ZNF639: variants seen among roughly 807,000 people sequenced by gnomAD.
ZNF639 encodes zinc finger protein 639.
A neutral mutation model predicts 39.8 loss-of-function variants in ZNF639; 20 were observed. The ratio of observed to expected loss-of-function variants is 0.50; its 90% CI spans 0.35 to 0.73. The LOEUF is 0.73. ZNF639 is among the 30% of genes least tolerant of loss of function. The pLI is 0.00. For synonymous variants in ZNF639, 176 were observed against 189.8 expected, an observed-to-expected ratio of 0.93 and a Z score of 0.60; for missense variants, 477 against 566.2, an observed-to-expected ratio of 0.84 and a Z score of 1.60.
intron 1 of ZNF639, among the ~76,000 whole-genome samples, chr3:179,326,776 C>A (rs1727616686): frequency 6.6e-6 from 1 of 151,826 alleles, no homozygotes; most frequent in African/African-American, 2.4e-5. Context: ...CAGGTGCGCA[C>A]CATCACACCC....
Position 179,336,677 on chromosome 3 carries a change from A to G in ZNF639, c.*2255A>G, listed in dbSNP as rs1208116740. The G allele has an allele frequency of 3.9e-5, 6 of 152,248 alleles. No homozygotes were observed. Among genetic ancestry groups the G allele is most frequent in the Non-Finnish European group, 7.3e-5 (5 of 68,032 alleles). 9.4% of individuals were successfully genotyped at this position (152,248 alleles called of 1,614,324 possible). On this transcript the variant is annotated 3_prime_UTR_variant, in exon 6 of 6. Transcript: ENST00000496856. ...TGTAGATAGCTATGAGGCCAAGTAC[A>G]TATAACCAGTTATGTCTCATGGGAG... is the stretch of plus-strand genomic sequence containing the variant.
chr3:179,324,405 T>C (rs1453902363), intron 1 of ZNF639, among the ~76,000 whole-genome samples: 1 of 151,438 alleles, frequency 6.6e-6, no homozygotes, highest in South Asian at 2.1e-4. Context: ...ATGTCGTTTG[T>C]ATTTCAGAGG....
chr3:179,334,043 G>A lies in ZNF639; in HGVS notation c.1079G>A (p.Ser360Asn), dbSNP rs913227291. 4.3e-6 allele frequency: 7 copies of A among 1,613,948 alleles called. No homozygotes were observed. The highest frequency in any genetic ancestry group is 5.1e-6 in the Non-Finnish European group (6 of 1,179,940). ...KYNNGEHGQY[S>N]LLSKITFDKC... ...AACAATGGTGAACATGGACAGTATA[G>A]CCTCTTAAGCAAAATTACCTTTGAC... is the stretch of plus-strand genomic sequence containing the variant. The change falls in exon 6 of 6, where the codon AGC becomes AAC. Residue 360 changes from serine to asparagine, a missense_variant. Ser to Asn is a conservative substitution (Grantham distance 46). Coordinates refer to ENST00000496856, the MANE Select transcript of ZNF639 (RefSeq NM_001303426.2).
In ZNF639 at chr3:179,329,738, A is replaced by G. The variant is rs758758665; in HGVS notation, c.169+10A>G. On this transcript the variant is annotated intron_variant, in intron 4 of 5. Transcript: ENST00000496856. ...TATTTTGACAACAAAGGTATATCTAATATTTTCGAAAATATGTTTCTTTAA... is the reference window on the plus strand; with the variant it reads ...TATTTTGACAACAAAGGTATATCTAGTATTTTCGAAAATATGTTTCTTTAA... The G allele has an allele frequency of 1.2e-5, 17 of 1,469,706 alleles. No homozygotes were observed. The Admixed American group carries it at 2.4e-4, about 21-fold the overall frequency. The allele number at this position is 1,469,706 out of a possible 1,614,324, so 91.0% of individuals were successfully genotyped here. A position where few individuals can be genotyped will look rare whatever the true frequency, so the allele number is the denominator to read the frequency against.
At chr3:179,331,235 C>T (rs1162603366) in intron 4 of ZNF639, among the ~76,000 whole-genome samples, 3 of 152,102 alleles carry the variant, frequency 2.0e-5, no homozygotes, top group Non-Finnish European at 4.4e-5. Context: ...AAAATTATAA[C>T]CCAGAGTATA....
At position 179,333,083 on chromosome 3, in the gene ZNF639, T is replaced by C. The variant is rs751813246; in HGVS notation, c.264T>C (p.Ser88=). 1.9e-6 allele frequency: 3 copies of C among 1,598,552 alleles called. No homozygotes were observed. The highest frequency in any genetic ancestry group is 3.5e-5 in the Admixed American group (2 of 57,322). ...RNRNQNYLVP[S]PVLRILDHTA... is the part of the protein sequence containing the mutation. ...GAAATCAGAACTACCTGGTTCCCAG[T>C]CCTGTACTTAGAATTCTAGACCACA... The change falls in exon 5 of 6, where the codon AGT becomes AGC. Residue 88 remains serine, a synonymous_variant. Transcript: ENST00000496856.
Position 179,328,273 on chromosome 3 carries a change from C to T in ZNF639, c.-11-10C>T, listed in dbSNP as rs1249729337. On this transcript the variant is annotated splice_polypyrimidine_tract_variant and intron_variant, in intron 2 of 5. Transcript: ENST00000496856. Reference sequence around the variant, plus strand: ...TGTGACATATTTGTTAATTTTTTCTCGTTTTTTAGATTGAAAAGATATGAA... The same window carrying T: ...TGTGACATATTTGTTAATTTTTTCTTGTTTTTTAGATTGAAAAGATATGAA... The T allele has an allele frequency of 1.1e-5, 16 of 1,482,192 alleles. No individual in the cohort carries two copies. The highest frequency in any genetic ancestry group is 3.7e-5 in the South Asian group (3 of 81,810). The allele number at this position is 1,482,192 out of a possible 1,614,324, so 91.8% of individuals were successfully genotyped here.
intron 1 of ZNF639, among the ~76,000 whole-genome samples, chr3:179,326,337 G>A (rs1727591486): frequency 6.6e-6 from 1 of 152,066 alleles, no homozygotes; most frequent in South Asian, 2.1e-4. Flanking sequence ...CTCCAGCCTG[G>A]GTGACAGAGC....
rs1490451031 is a variant in ZNF639, at chr3:179,327,640, A to G, written c.-12+9A>G. 2 of 152,248 alleles carry G rather than the reference A, an allele frequency of 1.3e-5. No individual in the cohort carries two copies. Among genetic ancestry groups the G allele is most frequent in the Non-Finnish European group, 2.9e-5 (2 of 68,078 alleles). 9.4% of individuals were successfully genotyped at this position (152,248 alleles called of 1,614,324 possible). On this transcript the variant is annotated intron_variant, in intron 2 of 5. Transcript: ENST00000496856. ...AGTAAGAATTATACCAAGTAAGTGGACTGTATTGAAACTAATTAATTTTGT... is the reference window on the plus strand; with the variant it reads ...AGTAAGAATTATACCAAGTAAGTGGGCTGTATTGAAACTAATTAATTTTGT...
intron 1 of ZNF639, among the ~76,000 whole-genome samples, chr3:179,324,511 G>C (rs756135981): frequency 7.2e-4 from 110 of 152,146 alleles, no homozygotes; most frequent in Non-Finnish European, 2.9e-4. Flanking sequence ...AGAAAGCTAA[G>C]TTTTTTCAAG....
chr3:179,335,827 G>A lies in ZNF639; in HGVS notation c.*1405G>A, dbSNP rs1576994522. On this transcript the variant is annotated 3_prime_UTR_variant, in exon 6 of 6. Transcript: ENST00000496856. ...TTTTTTGAGACAGAATTTCACTCTT[G>A]TCGCCCAGGCTGGAGTACAGTGGCG... 1 of 118,174 alleles carries A rather than the reference G, an allele frequency of 8.5e-6. No individual in the cohort carries two copies. Among genetic ancestry groups the A allele is most frequent in the Non-Finnish European group, 1.7e-5 (1 of 59,270 alleles). 7.3% of individuals were successfully genotyped at this position (118,174 alleles called of 1,614,324 possible).
At position 179,334,045 on chromosome 3, in the gene ZNF639, C is replaced by A; in HGVS notation, c.1081C>A (p.Leu361Ile). 1 of 1,613,912 alleles carries A rather than the reference C, an allele frequency of 6.2e-7. No homozygotes were observed. Among genetic ancestry groups the A allele is most frequent in the Middle Eastern group, 1.6e-4 (1 of 6,062 alleles). Residue 361 changes from leucine to isoleucine, a missense_variant, in exon 6 of 6, where the codon CTC becomes ATC. Coordinates refer to ENST00000496856, the MANE Select transcript of ZNF639 (RefSeq NM_001303426.2). ...YNNGEHGQYS[L>I]LSKITFDKCK... ...CAATGGTGAACATGGACAGTATAGCCTCTTAAGCAAAATTACCTTTGACAA... is the reference window on the plus strand; with the variant it reads ...CAATGGTGAACATGGACAGTATAGCATCTTAAGCAAAATTACCTTTGACAA...
At chr3:179,323,834 C>G (rs532758736) in intron 1 of ZNF639, 1 of 151,386 alleles carries the variant, frequency 6.6e-6, no homozygotes, top group Non-Finnish European at 1.5e-5. Flanking sequence ...AGTCGCCTCA[C>G]TCGTGTGACG....
chr3:179,323,279 G>A lies in ZNF639; in HGVS notation c.-95G>A. On this transcript the variant is annotated 5_prime_UTR_variant, in exon 1 of 6. Transcript: ENST00000496856. Reference sequence around the variant, plus strand: ...TGCGTGGGCCGGCCGGGAGGGCCTCGGGGGACTGACTGGTGAGTGTGAGGG... The same window carrying A: ...TGCGTGGGCCGGCCGGGAGGGCCTCAGGGGACTGACTGGTGAGTGTGAGGG... 3.0e-6 allele frequency: 3 copies of A among 985,282 alleles called. No homozygotes were observed. The highest frequency in any genetic ancestry group is 3.6e-6 in the Non-Finnish European group (3 of 829,946). The allele number at this position is 985,282 out of a possible 1,614,324, so 61.0% of individuals were successfully genotyped here.
chr3:179,333,711 A>C lies in ZNF639; in HGVS notation c.747A>C (p.Ile249=), dbSNP rs757895792. ...GTTTCTCTACCAATATGCTTCTGAT[A>C]GAACATGCCAAACTGCATGAAGAGG... ...KESFSTNMLL[I]EHAKLHEEDP... is the part of the protein sequence containing the mutation. The change falls in exon 6 of 6, where the codon ATA becomes ATC. Residue 249 remains isoleucine (I), a synonymous_variant. Coordinates refer to ENST00000496856, the MANE Select transcript of ZNF639 (RefSeq NM_001303426.2). 6.2e-7 allele frequency: 1 copy of C among 1,614,188 alleles called. No individual in the cohort carries two copies. Among genetic ancestry groups the C allele is most frequent in the South Asian group, 1.1e-5 (1 of 91,084 alleles).
intron 1 of ZNF639, among the ~76,000 whole-genome samples, chr3:179,327,083 G>C (rs1248226048): frequency 6.6e-6 from 1 of 151,920 alleles, no homozygotes; most frequent in African/African-American, 2.4e-5. Flanking sequence ...CCAGCTACTT[G>C]GGAGGCTGAG....
chr3:179,323,036 G>A lies in ZNF639; in HGVS notation c.-338G>A. ...CGCCCTCTCGGCGGGCCCCTGAGGT[G>A]CGCGGCGCAGGCGCGGAGCGTGGCG... On this transcript the variant is annotated 5_prime_UTR_variant, in exon 1 of 6. Transcript: ENST00000496856. The A allele has an allele frequency of 3.0e-6, 3 of 985,132 alleles. No homozygotes were observed. The highest frequency in any genetic ancestry group is 2.4e-6 in the Non-Finnish European group (2 of 830,018). The allele number at this position is 985,132 out of a possible 1,614,324, so 61.0% of individuals were successfully genotyped here. A position where few individuals can be genotyped will look rare whatever the true frequency, so the allele number is the denominator to read the frequency against.
Position 179,329,599 on chromosome 3 carries a change from T to G in ZNF639, c.59-19T>G. Reference sequence around the variant, plus strand: ...ATGTATGTTTACTGTACTTGAAATATTTTTCATTTTATGTTCAGATTCCTC... The same window carrying G: ...ATGTATGTTTACTGTACTTGAAATAGTTTTCATTTTATGTTCAGATTCCTC... On this transcript the variant is annotated intron_variant, in intron 3 of 5. Coordinates refer to ENST00000496856, the MANE Select transcript of ZNF639 (RefSeq NM_001303426.2). 1 of 1,443,014 alleles carries G rather than the reference T, an allele frequency of 6.9e-7. No homozygotes were observed. 89.4% of individuals were successfully genotyped at this position (1,443,014 alleles called of 1,614,324 possible). A position where few individuals can be genotyped will look rare whatever the true frequency, so the allele number is the denominator to read the frequency against.
chr3:179,324,104 A>AT (rs558516032), intron 1 of ZNF639, among the ~76,000 whole-genome samples: 303 of 152,346 alleles, frequency 2.0e-3, no homozygotes, highest in Non-Finnish European at 3.5e-3. Flanking sequence ...GCATATGCTT[A>AT]TTTTAATGAG....
Sources: allele counts gnomAD v4.1 joint callset (sites outside exome capture counted in the v4.1 genomes callset), GRCh38; gene constraint gnomAD v4.1.1; transcripts MANE v1.5; gene names NCBI Gene and HGNC (gene_info 2026-07-23, HGNC 2026-07-21).